Variants in NF2 observed in about 807,000 individuals in gnomAD.
NF2 encodes the protein NF2, moesin-ezrin-radixin like (MERLIN) tumor suppressor.
In NF2, 8 loss-of-function variants were observed where a neutral mutation model predicts 83.7. The observed-to-expected ratio is 0.10, with a 90% confidence interval of 0.06 to 0.17. NF2 has a LOEUF of 0.17. Among genes scored for constraint, NF2 ranks in the 10% least tolerant of loss-of-function variants. The pLI is 1.00. For synonymous variants in NF2, 266 were observed against 269.6 expected, an observed-to-expected ratio of 0.99 and a Z score of 0.13; for missense variants, 533 against 744.4, an observed-to-expected ratio of 0.72 and a Z score of 3.31.
At chr22:29,650,335 A>T (rs532415495) in intron 4 of NF2, among the ~76,000 whole-genome samples, 62 of 152,324 alleles carry the variant, frequency 4.1e-4, no homozygotes, top group African/African-American at 1.4e-3. Flanking sequence ...CATTCTTGCG[A>T]ACAGTAGATA....
chr22:29,643,692 T>A (rs1254034290), intron 4 of NF2, among the ~76,000 whole-genome samples: 1 of 152,122 alleles, frequency 6.6e-6, no homozygotes, highest in Non-Finnish European at 1.5e-5. Context: ...GTCTACTTCT[T>A]TCTACACAGA....
chr22:29,656,037 C>G (rs901126264), intron 6 of NF2, among the ~76,000 whole-genome samples: 8 of 151,544 alleles, frequency 5.3e-5, no homozygotes, highest in African/African-American at 1.7e-4. Flanking sequence ...CTCCTGGGTT[C>G]AAGCAAACCT....
At chr22:29,630,799 A>G (rs2065489317) in intron 1 of NF2, among the ~76,000 whole-genome samples, 1 of 152,232 alleles carries the variant, frequency 6.6e-6, no homozygotes. Flanking sequence ...GGCTGCGTGG[A>G]AAGCGATGGG....
chr22:29,689,433 G>A (rs1011379258), intron 15 of NF2, among the ~76,000 whole-genome samples: 3 of 151,886 alleles, frequency 2.0e-5, no homozygotes, highest in South Asian at 4.2e-4. Flanking sequence ...ACCCTCCCCC[G>A]CTCCTTCGTT....
chr22:29,633,709 A>G (rs2065575208), intron 1 of NF2, among the ~76,000 whole-genome samples: 1 of 152,190 alleles, frequency 6.6e-6, no homozygotes, highest in African/African-American at 2.4e-5. Flanking sequence ...GCTTTACAAG[A>G]TGACTTGCAG....
chr22:29,648,197 A>C (rs1447352271), intron 4 of NF2, among the ~76,000 whole-genome samples: 1 of 152,006 alleles, frequency 6.6e-6, no homozygotes, highest in Non-Finnish European at 1.5e-5. Flanking sequence ...AGGTGTCTAG[A>C]AGAAGAATTG....
At position 29,694,992 on chromosome 22, in the gene NF2, G is replaced by T; in HGVS notation, c.*190G>T. 1.5e-6 allele frequency: 1 copy of T among 654,248 alleles called. No homozygotes were observed. 40.5% of individuals were successfully genotyped at this position (654,248 alleles called of 1,614,324 possible). ...TTGCCTTGAACTACGACCCTGTAGA[G>T]ATTTCTCTCATGGCGTTCTAGTTCT... On this transcript the variant is annotated 3_prime_UTR_variant, in exon 16 of 16. Transcript: ENST00000338641. The surrounding 1 kb of genome is among the most constrained non-coding windows in gnomAD (Gnocchi z 4.1).
rs1244539443 is a variant in NF2 at position 29,603,840 on chromosome 22, C to G, written c.-159C>G. On this transcript the variant is annotated 5_prime_UTR_variant, in exon 1 of 16. Transcript: ENST00000338641. Reference sequence around the variant, plus strand: ...TCCGCTCAGGCAGGGTCCTCGCGGCCCATGCTGGCCGCTGGGGACCCGCGC... The same window carrying G: ...TCCGCTCAGGCAGGGTCCTCGCGGCGCATGCTGGCCGCTGGGGACCCGCGC... The G allele has an allele frequency of 5.0e-6, 3 of 599,622 alleles. No homozygotes were observed. The African/African-American group carries it at 5.7e-5, about 11-fold the overall frequency. 37.1% of individuals were successfully genotyped at this position (599,622 alleles called of 1,614,324 possible).
chr22:29,661,451 TC>T, intron 8 of NF2, 112 bp downstream of exon 8: 1 of 1,479,264 alleles, frequency 6.8e-7, no homozygotes, highest in Non-Finnish European at 9.3e-7. Context: ...GTCCTTTAAT[TC>T]CCAGGCTTTG....
At chr22:29,658,370 TG>T in intron 7 of NF2, 106 bp downstream of exon 7, 1 of 980,940 alleles carries the variant, frequency 1.0e-6, no homozygotes, top group East Asian at 2.5e-5. Context: ...GACTCTTTTA[TG>T]GTTCTGTGGT....
chr22:29,614,947 G>A (rs1217235386), intron 1 of NF2, among the ~76,000 whole-genome samples: 1 of 152,098 alleles, frequency 6.6e-6, no homozygotes, highest in Non-Finnish European at 1.5e-5. Flanking sequence ...ACTTTGGGAG[G>A]CTGAGGCAGG....
chr22:29,650,246 G>A, intron 4 of NF2, among the ~76,000 whole-genome samples: 1 of 152,098 alleles, frequency 6.6e-6, no homozygotes, highest in East Asian at 1.9e-4. Context: ...AATTTAAATA[G>A]ATATAGCCAA....
chr22:29,690,495 C>T (rs987796506), intron 15 of NF2, among the ~76,000 whole-genome samples: 2 of 152,050 alleles, frequency 1.3e-5, no homozygotes, highest in East Asian at 1.9e-4. Context: ...GGGACCCTGC[C>T]GGGGCTGAGT....
intron 14 of NF2, among the ~76,000 whole-genome samples, chr22:29,681,109 T>C (rs1218738622): frequency 6.6e-6 from 1 of 151,938 alleles, no homozygotes; most frequent in African/African-American, 2.4e-5. Flanking sequence ...CAAGCTGGTC[T>C]CCAACTCCTG....
At chr22:29,672,184 C>T (rs1385380670) in intron 11 of NF2, among the ~76,000 whole-genome samples, 2 of 152,166 alleles carry the variant, frequency 1.3e-5, no homozygotes, top group Non-Finnish European at 2.9e-5. Context: ...AGCAGGGCTT[C>T]TCAGCCTGGG....
intron 4 of NF2, among the ~76,000 whole-genome samples, chr22:29,650,300 G>A (rs543411048): frequency 6.6e-6 from 1 of 152,252 alleles, no homozygotes; most frequent in Non-Finnish European, 1.5e-5. Flanking sequence ...TTCAATAACA[G>A]TGTGTGAGAA....
intron 1 of NF2, among the ~76,000 whole-genome samples, chr22:29,605,129 C>T (rs2064752001): frequency 1.3e-5 from 2 of 150,430 alleles, no homozygotes; most frequent in African/African-American, 2.4e-5. Context: ...GGACCACAGG[C>T]GTGTGCCACC....
intron 15 of NF2, among the ~76,000 whole-genome samples, chr22:29,691,631 G>A (rs945651749): frequency 2.6e-5 from 4 of 152,190 alleles, no homozygotes; most frequent in Non-Finnish European, 4.4e-5. Flanking sequence ...CCTGCCTATG[G>A]GTGTACTGTA....
chr22:29,637,344 C>T (rs1415642263), intron 2 of NF2, among the ~76,000 whole-genome samples: 3 of 152,126 alleles, frequency 2.0e-5, no homozygotes, highest in African/African-American at 4.8e-5. Flanking sequence ...ATAGAGAGTG[C>T]CTGGTCCCCA....
Sources: gnomAD v4.1 joint callset for allele counts (sites outside exome capture counted in the v4.1 genomes callset) on GRCh38, gnomAD v4.1.1 for gene constraint, Gnocchi (gnomAD v3.1) non-coding constraint, MANE v1.5 for transcripts, NCBI Gene and HGNC (gene_info 2026-07-23, HGNC 2026-07-21) for gene names.